ANXA8: variants seen among roughly 807,000 people sequenced by gnomAD.
ANXA8 encodes the protein VAC-beta.
A neutral mutation model predicts 26.8 loss-of-function variants in ANXA8; 9 were observed. The observed-to-expected ratio is 0.34, with a 90% CI of 0.20 to 0.59. The LOEUF (loss-of-function observed/expected upper bound fraction) is 0.59. ANXA8 is among the 20% of genes least tolerant of loss of function. The pLI is 0.84. For missense variants in ANXA8, 83 were observed against 238.5 expected, an observed-to-expected ratio of 0.35 and a Z score of 4.29; for synonymous variants, 39 against 94.8, an observed-to-expected ratio of 0.41 and a Z score of 3.42.
At chr10:47,613,627 A>G in the ANXA8 span, among the ~76,000 whole-genome samples, 1 of 75,158 alleles carries the variant, frequency 1.3e-5, no homozygotes, top group Non-Finnish European at 3.3e-5. Context: ...CGTATTTAAT[A>G]CTGCCTTAAT....
the ANXA8 span, among the ~76,000 whole-genome samples, chr10:47,571,322 T>C: frequency 6.9e-6 from 1 of 145,646 alleles, no homozygotes; most frequent in African/African-American, 2.6e-5. Flanking sequence ...ATTTGCCTAA[T>C]TCGCAAAGGC....
chr10:47,954,791 A>G, the ANXA8 span, among the ~76,000 whole-genome samples: 1 of 151,238 alleles, frequency 6.6e-6, no homozygotes, highest in Non-Finnish European at 1.5e-5. Flanking sequence ...ACAAATATTT[A>G]TAACAATTTT....
chr10:47,674,096 G>A, the ANXA8 span, among the ~76,000 whole-genome samples: 1 of 151,394 alleles, frequency 6.6e-6, no homozygotes, highest in Non-Finnish European at 1.5e-5. Flanking sequence ...GTGAGGTTTT[G>A]TATTTTTGGG....
the ANXA8 span, among the ~76,000 whole-genome samples, chr10:47,748,353 AG>A: frequency 6.8e-6 from 1 of 147,926 alleles, no homozygotes; most frequent in Non-Finnish European, 1.5e-5. Flanking sequence ...CTGGGATTAC[AG>A]GCACGCGCCA....
the ANXA8 span, among the ~76,000 whole-genome samples, chr10:47,960,750 C>T: frequency 2.1e-5 from 3 of 145,626 alleles, no homozygotes; most frequent in East Asian, 6.5e-4. Context: ...TTGATCATGC[C>T]CCCCCAACAG....
the ANXA8 span, among the ~76,000 whole-genome samples, chr10:47,653,898 G>A: frequency 4.7e-5 from 7 of 149,316 alleles, no homozygotes; most frequent in South Asian, 2.1e-4. Flanking sequence ...CTCCTGCCTC[G>A]GCCTCCCAAA....
chr10:47,687,093 G>GAC, the ANXA8 span, among the ~76,000 whole-genome samples: 1 of 148,714 alleles, frequency 6.7e-6, no homozygotes, highest in African/African-American at 2.5e-5. Context: ...GAGAGAGAGA[G>GAC]ACCCTAACTC....
chr10:47,922,779 TGTG>T, the ANXA8 span: 10 of 1,488,434 alleles, frequency 6.7e-6, no homozygotes, highest in African/African-American at 1.4e-5. Flanking sequence ...AGCAGGTCAA[TGTG>T]GTGCTGGTGG....
At chr10:47,950,689 TC>T in the ANXA8 span, among the ~76,000 whole-genome samples, 2 of 150,760 alleles carry the variant, frequency 1.3e-5, no homozygotes, top group South Asian at 2.1e-4. Context: ...ATCTAGAAAA[TC>T]CCCAAGTATT....
chr10:47,565,841 C>A, the ANXA8 span: 15 of 1,277,392 alleles, frequency 1.2e-5, no homozygotes, highest in Non-Finnish European at 1.0e-6. Context: ...GGGCTGAGCC[C>A]GGGACGCGCG....
chr10:47,738,635 G>A, the ANXA8 span, among the ~76,000 whole-genome samples: 1 of 151,604 alleles, frequency 6.6e-6, no homozygotes, highest in South Asian at 2.1e-4. Context: ...GGAGTGCAGT[G>A]GTATGATCTC....
chr10:47,534,641 G>T, the ANXA8 span, among the ~76,000 whole-genome samples: 1 of 118,876 alleles, frequency 8.4e-6, no homozygotes. Context: ...CAATTCCACT[G>T]CCCAGTTATA....
chr10:47,952,282 G>T, the ANXA8 span, among the ~76,000 whole-genome samples: 2,177 of 143,114 alleles, frequency 0.015, no homozygotes, highest in African/African-American at 0.062. Context: ...GGTGCAATAA[G>T]GTAAGAGGAA....
chr10:47,688,486 A>T, the ANXA8 span, among the ~76,000 whole-genome samples: 1 of 150,490 alleles, frequency 6.6e-6, no homozygotes, highest in Admixed American at 6.6e-5. Context: ...CAGTGGTGAG[A>T]TCTTGGCTCA....
chr10:47,633,658 T>G, the ANXA8 span, among the ~76,000 whole-genome samples: 3 of 115,730 alleles, frequency 2.6e-5, no homozygotes, highest in Admixed American at 2.7e-4. Flanking sequence ...AAAGCTTGTA[T>G]CCCAGATATT....
At chr10:47,652,601 A>C in the ANXA8 span, among the ~76,000 whole-genome samples, 1 of 149,748 alleles carries the variant, frequency 6.7e-6, no homozygotes, top group African/African-American at 2.5e-5. Context: ...TCTTGAAAAA[A>C]AAAAGATAAA....
At chr10:47,977,721 G>A in the ANXA8 span, among the ~76,000 whole-genome samples, 6 of 151,418 alleles carry the variant, frequency 4.0e-5, no homozygotes, top group African/African-American at 1.2e-4. Context: ...ATTTGAGCAG[G>A]CAGAAAAAAG....
chr10:47,654,512 T>C, the ANXA8 span, among the ~76,000 whole-genome samples: 1 of 118,284 alleles, frequency 8.5e-6, no homozygotes, highest in Non-Finnish European at 1.6e-5. Flanking sequence ...CATAGAAACT[T>C]TAAGCTTCTT....
At chr10:47,666,117 TA>T in the ANXA8 span, among the ~76,000 whole-genome samples, 1 of 149,640 alleles carries the variant, frequency 6.7e-6, no homozygotes, top group African/African-American at 2.5e-5. Context: ...ACTAATTCTT[TA>T]CTAGTTGTTT....
Sources: gnomAD v4.1 joint callset for allele counts (sites outside exome capture counted in the v4.1 genomes callset) on GRCh38, gnomAD v4.1.1 for gene constraint, MANE v1.5 for transcripts, NCBI Gene and HGNC (gene_info 2026-07-23, HGNC 2026-07-21) for gene names.